WDR19: variants seen among roughly 807,000 people sequenced by gnomAD.
The protein encoded by WDR19 is WD repeat-containing protein 19.
WDR19 carries 121 observed loss-of-function variants against 180.0 expected under a neutral mutation model. That is an observed-to-expected ratio of 0.67 (90% CI 0.58 to 0.78). The LOEUF is 0.78. WDR19 is among the 30% of genes least tolerant of loss of function. The probability of loss-of-function intolerance (pLI) is 0.00; values close to 1 mark genes in which losing one functional copy is unlikely to be tolerated. For missense variants in WDR19, 1,450 were observed against 1,640.7 expected, an observed-to-expected ratio of 0.88 and a Z score of 2.01; for synonymous variants, 497 against 540.7, an observed-to-expected ratio of 0.92 and a Z score of 1.12.
intron 6 of WDR19, among the ~76,000 whole-genome samples, chr4:39,201,652 G>C (rs1727386846): frequency 6.6e-6 from 1 of 152,098 alleles, no homozygotes; most frequent in Admixed American, 6.5e-5. Context: ...TTTAGAAATA[G>C]AATGGTAAAT....
At chr4:39,231,696 C>T in intron 17 of WDR19, 101 bp from the exon 18 acceptor site, 2 of 1,040,372 alleles carry the variant, frequency 1.9e-6, no homozygotes, top group Non-Finnish European at 2.6e-6. Flanking sequence ...ATGTTTTAGA[C>T]AGTTTATCTG....
At chr4:39,212,237 A>G (rs1194705174) in intron 9 of WDR19, among the ~76,000 whole-genome samples, 1 of 152,140 alleles carries the variant, frequency 6.6e-6, no homozygotes, top group Admixed American at 6.6e-5. Flanking sequence ...AAAGCAAGAT[A>G]CCCTTTTCAA....
rs898461587 is a variant in WDR19 at position 39,222,883 on chromosome 4, C to T, written c.1480-2001C>T. Among the ~76,000 whole-genome samples the T allele has an allele frequency of 9.9e-5, 15 of 152,274 alleles. No homozygotes were observed. The South Asian group carries it at 2.1e-3, about 21-fold the overall frequency. On this transcript the variant is annotated intron_variant, in intron 14 of 36. Coordinates refer to ENST00000399820, the MANE Select transcript of WDR19 (RefSeq NM_025132.4). ...AACATACAGAACAATTCTGCTGCCA[C>T]CCCATTCTTAACCCCTGGTAACAAC...
chr4:39,245,556 C>T (rs907808360), intron 24 of WDR19, 104 bp downstream of exon 24: 5 of 1,151,530 alleles, frequency 4.3e-6, no homozygotes, highest in African/African-American at 1.5e-5. Flanking sequence ...CAGAGAAAGA[C>T]AGAAAACACC....
intron 20 of WDR19, among the ~76,000 whole-genome samples, chr4:39,236,337 A>G (rs1731377325): frequency 6.6e-6 from 1 of 152,136 alleles, no homozygotes; most frequent in South Asian, 2.1e-4. Context: ...TAAAACAAGA[A>G]TAAATTGTGT....
Position 39,189,731 on chromosome 4 carries a change from T to C in WDR19, c.240T>C (p.Tyr80=), listed in dbSNP as rs1273091661. 6.2e-7 allele frequency: 1 copy of C among 1,611,938 alleles called. No individual in the cohort carries two copies. The highest frequency in any genetic ancestry group is 1.3e-5 in the African/African-American group (1 of 74,964). Residue 80 remains tyrosine, a synonymous_variant, in exon 4 of 37, where the codon TAT becomes TAC. Transcript: ENST00000399820. The stretch of plus-strand genomic sequence containing the variant: ...TTGCTGAGAAATCTAGCTGCATTTA[T>C]CTTTGGGATGCCAACACAAATAAGA... The part of the protein sequence containing the change: ...AVIAEKSSCI[Y]LWDANTNKTS...
At chr4:39,185,363 G>A (rs533326958) in intron 1 of WDR19, among the ~76,000 whole-genome samples, 4 of 152,104 alleles carry the variant, frequency 2.6e-5, no homozygotes, top group Non-Finnish European at 4.4e-5. Flanking sequence ...CCAGGAATCC[G>A]TGCCACAGAT....
intron 10 of WDR19, 112 bp from the exon 11 acceptor site, chr4:39,215,729 G>A: frequency 8.7e-7 from 1 of 1,153,312 alleles, no homozygotes; most frequent in Non-Finnish European, 1.2e-6. Context: ...AAACTAGTAA[G>A]GAAAATATTT....
intron 3 of WDR19, among the ~76,000 whole-genome samples, chr4:39,187,852 A>G (rs1725728131): frequency 6.6e-6 from 1 of 152,230 alleles, no homozygotes; most frequent in Admixed American, 6.5e-5. Flanking sequence ...GGATCTCCAG[A>G]TAAGGAAAAT....
At chr4:39,283,521 G>A (rs988663060) in intron 36 of WDR19, among the ~76,000 whole-genome samples, 29 of 150,202 alleles carry the variant, frequency 1.9e-4, no homozygotes, top group Non-Finnish European at 3.1e-4. Context: ...ATATTTTTTC[G>A]TATTTCATTT....
chr4:39,187,056 G>A (rs1024490861), intron 3 of WDR19, among the ~76,000 whole-genome samples: 8 of 152,048 alleles, frequency 5.3e-5, no homozygotes. Context: ...AAGCATAATT[G>A]AAGCATTTTT....
chr4:39,213,550 T>G (rs1284059265), intron 9 of WDR19, among the ~76,000 whole-genome samples: 2 of 152,158 alleles, frequency 1.3e-5, no homozygotes, highest in Non-Finnish European at 2.9e-5. Flanking sequence ...AACAGATTAG[T>G]GATTCCCAGA....
At chr4:39,263,155 C>T (rs1404191860) in intron 28 of WDR19, among the ~76,000 whole-genome samples, 1 of 151,308 alleles carries the variant, frequency 6.6e-6, no homozygotes, top group African/African-American at 2.4e-5. Flanking sequence ...AGGCCCCTCA[C>T]TGGGAGATGA....
At position 39,193,754 on chromosome 4, in the gene WDR19, T is replaced by C. The variant is rs118136414; in HGVS notation, c.291-790T>C. Reference sequence around the variant, plus strand: ...TGGTCTGTCAGCGGTGCTGAAAGTTTAGCTGCATCAGAATCCCCTGGAGGG... The same window carrying C: ...TGGTCTGTCAGCGGTGCTGAAAGTTCAGCTGCATCAGAATCCCCTGGAGGG... On this transcript the variant is annotated intron_variant, in intron 4 of 36. Coordinates refer to ENST00000399820, the MANE Select transcript of WDR19 (RefSeq NM_025132.4). Among the ~76,000 whole-genome samples the C allele has an allele frequency of 3.5e-4, 54 of 152,322 alleles. 1 individual carries two copies. The East Asian group carries it at 0.01, about 28-fold the overall frequency.
chr4:39,242,448 T>A (rs917148020), intron 21 of WDR19, among the ~76,000 whole-genome samples: 2 of 152,126 alleles, frequency 1.3e-5, no homozygotes, highest in African/African-American at 4.8e-5. Context: ...GAGCTTCTAA[T>A]ATTCCATTAT....
intron 24 of WDR19, among the ~76,000 whole-genome samples, chr4:39,252,799 A>G (rs1733372246): frequency 6.6e-6 from 1 of 152,282 alleles, no homozygotes; most frequent in Middle Eastern, 3.4e-3. Context: ...TTATATATCA[A>G]CATTAAGCTG....
chr4:39,229,672 T>C (rs1331285766), intron 17 of WDR19, among the ~76,000 whole-genome samples: 1 of 152,190 alleles, frequency 6.6e-6, no homozygotes, highest in Non-Finnish European at 1.5e-5. Flanking sequence ...CTTCTCTTCT[T>C]ACTCTAATTA....
At chr4:39,217,837 G>A in intron 13 of WDR19, 146 bp from the exon 14 acceptor site, 1 of 987,448 alleles carries the variant, frequency 1.0e-6, no homozygotes, top group Non-Finnish European at 1.5e-6. Flanking sequence ...CGTGGTTCCT[G>A]TGTGATAGCT....
At chr4:39,239,943 G>T (rs1048744108) in intron 20 of WDR19, among the ~76,000 whole-genome samples, 1 of 152,108 alleles carries the variant, frequency 6.6e-6, no homozygotes, top group Non-Finnish European at 1.5e-5. Context: ...GGAGGCCGAG[G>T]TGGTGGATCA....
Sources: gnomAD v4.1 joint callset for allele counts (sites outside exome capture counted in the v4.1 genomes callset) on GRCh38, gnomAD v4.1.1 for gene constraint, MANE v1.5 for transcripts, NCBI Gene and HGNC (gene_info 2026-07-23, HGNC 2026-07-21) for gene names.